KDF1: variants seen among roughly 807,000 people sequenced by gnomAD.
KDF1 encodes RP11-344H11.3.
In KDF1, 11 loss-of-function variants were observed where a neutral mutation model predicts 31.6. That is an observed-to-expected ratio of 0.35 (90% CI 0.22 to 0.58). The LOEUF is 0.58. Among genes scored for constraint, KDF1 ranks in the 20% least tolerant of loss-of-function variants. The probability of loss-of-function intolerance (pLI) is 0.83; values close to 1 mark genes in which losing one functional copy is unlikely to be tolerated. For synonymous variants in KDF1, 205 were observed against 214.4 expected (o/e 0.96, Z 0.38); for missense variants, 476 against 549.1 (o/e 0.87, Z 1.33).
rs1224661330 is a variant in KDF1, at chr1:26,951,970, G to A, written c.411C>T (p.Ser137=). The change falls in exon 2 of 4, where the codon AGC becomes AGT. Residue 137 remains serine, a synonymous_variant. Transcript: ENST00000320567. The surrounding 1 kb of genome is among the most constrained non-coding windows in gnomAD (Gnocchi z 5.4). ...WAKEHNGVPP[S]PDRAPPSRRD... ...GCCGGCTGGGGGGTGCACGATCAGG[G>A]CTGGGGGGCACTCCATTGTGCTCCT... is the stretch of plus-strand genomic sequence containing the variant. The A allele has an allele frequency of 3.1e-6, 5 of 1,609,628 alleles. No homozygotes were observed. The highest frequency in any genetic ancestry group is 2.7e-5 in the African/African-American group (2 of 74,988).
chr1:26,951,332 C>A lies in KDF1; in HGVS notation c.1039+10G>T. ...ACTCTGCCCCTCAGCCCCATGGGGC[C>A]CCCACCTACCATCCTGGCTGAGACC... On this transcript the variant is annotated intron_variant, in intron 2 of 3. Coordinates refer to ENST00000320567, the MANE Select transcript of KDF1 (RefSeq NM_152365.3). The surrounding 1 kb of genome is among the most constrained non-coding windows in gnomAD (Gnocchi z 5.4). 1 of 1,543,330 alleles carries A rather than the reference C, an allele frequency of 6.5e-7. No individual in the cohort carries two copies. The highest frequency in any genetic ancestry group is 2.4e-5 in the East Asian group (1 of 42,316).
intron 1 of KDF1, among the ~76,000 whole-genome samples, chr1:26,953,498 G>A (rs1311497154): frequency 1.3e-5 from 2 of 152,114 alleles, no homozygotes; most frequent in African/African-American, 2.4e-5. Flanking sequence ...CCAAAAGGTG[G>A]AAACAATCCC....
In KDF1 at chr1:26,950,687, G is replaced by A. The variant is rs746135711; in HGVS notation, c.1109C>T (p.Ala370Val). The A allele has an allele frequency of 2.5e-6, 4 of 1,613,684 alleles. No individual in the cohort carries two copies. The highest frequency in any genetic ancestry group is 3.4e-6 in the Non-Finnish European group (4 of 1,179,730). The change falls in exon 3 of 4, where the codon GCT becomes GTT. Residue 370 changes from alanine (A) to valine (V), a missense_variant. By Grantham distance (64) the Ala-to-Val change is moderately conservative (BLOSUM62 0). Coordinates refer to ENST00000320567, the MANE Select transcript of KDF1 (RefSeq NM_152365.3). This position sits in a 1 kb window ranked among gnomAD's most constrained non-coding sequence, Gnocchi z 4.0. Reference sequence around the variant, plus strand: ...TCATTAGGTCAAGACCACACCTGGAGCTCCATAAGGCCTCAGCTTCCGGGC... The same window carrying A: ...TCATTAGGTCAAGACCACACCTGGAACTCCATAAGGCCTCAGCTTCCGGGC... ...AIARKLRPYG[A>V]PGYPASHDSS...
rs767984255 is a variant in KDF1 at position 26,951,746 on chromosome 1, C to T, written c.635G>A (p.Gly212Asp). 6.2e-7 allele frequency: 1 copy of T among 1,614,048 alleles called. No individual in the cohort carries two copies. The highest frequency in any genetic ancestry group is 1.7e-5 in the Admixed American group (1 of 60,028). ...ATGGAAAGAATAGTACTCCTCGGAG[C>T]CACGAGGACTACTGGCAAAGGTGCT... is the stretch of plus-strand genomic sequence containing the variant. Reference protein sequence around the residue: ...LPSTFASSPRGSEEYYSFHES... With the variant: ...LPSTFASSPRDSEEYYSFHES... The change falls in exon 2 of 4, where the codon GGC becomes GAC. Residue 212 changes from glycine (G) to aspartate (D), a missense_variant. Physicochemically the swap from Gly to Asp is moderately conservative, Grantham distance 94. Transcript: ENST00000320567. The surrounding 1 kb of genome is among the most constrained non-coding windows in gnomAD (Gnocchi z 5.4).
intron 1 of KDF1, among the ~76,000 whole-genome samples, chr1:26,953,946 C>A (rs1428906446): frequency 6.7e-6 from 1 of 148,418 alleles, no homozygotes; most frequent in Non-Finnish European, 1.5e-5. Context: ...CAAAGCCAGA[C>A]CCTGTCTCAA....
chr1:26,954,559 G>A (rs559564535), intron 1 of KDF1, among the ~76,000 whole-genome samples: 6 of 151,448 alleles, frequency 4.0e-5, no homozygotes, highest in African/African-American at 9.7e-5. Context: ...TAGGCCAGGC[G>A]CAGTGGCTAA....
chr1:26,958,890 T>C (rs948481754), intron 1 of KDF1, among the ~76,000 whole-genome samples: 2 of 152,188 alleles, frequency 1.3e-5, no homozygotes, highest in African/African-American at 4.8e-5. Flanking sequence ...CTGGCTATTG[T>C]CTTCTCCCCA....
chr1:26,949,945 A>T lies in KDF1; in HGVS notation c.*124T>A. ...GTCCAGGAACCCAGTCAGCCAAGGC[A>T]GGAGGAGCCAGAGTGGGCACTGCTT... On this transcript the variant is annotated 3_prime_UTR_variant, in exon 4 of 4. Coordinates refer to ENST00000320567, the MANE Select transcript of KDF1 (RefSeq NM_152365.3). 2 of 922,138 alleles carry T rather than the reference A, an allele frequency of 2.2e-6. No homozygotes were observed. The highest frequency in any genetic ancestry group is 3.3e-6 in the Non-Finnish European group (2 of 601,036). The allele number at this position is 922,138 out of a possible 1,614,324, so 57.1% of individuals were successfully genotyped here.
rs779213779 is a variant in KDF1, at chr1:26,950,796, G to A, written c.1040-40C>T. On this transcript the variant is annotated intron_variant, in intron 2 of 3. Coordinates refer to ENST00000320567, the MANE Select transcript of KDF1 (RefSeq NM_152365.3). The surrounding 1 kb of genome is among the most constrained non-coding windows in gnomAD (Gnocchi z 4.0). Reference sequence around the variant, plus strand: ...TGAGGCAAGCAGTGGTCATTAGCACGTTCTTTCAACCCTATTTCCTACTTC... The same window carrying A: ...TGAGGCAAGCAGTGGTCATTAGCACATTCTTTCAACCCTATTTCCTACTTC... 3.8e-6 allele frequency: 6 copies of A among 1,570,674 alleles called. No homozygotes were observed. The highest frequency in any genetic ancestry group is 2.7e-5 in the African/African-American group (2 of 74,106).
chr1:26,959,875 A>G (rs1370065706), intron 1 of KDF1, among the ~76,000 whole-genome samples: 1 of 152,122 alleles, frequency 6.6e-6, no homozygotes, highest in Non-Finnish European at 1.5e-5. Context: ...GTGCAGCCCG[A>G]GAGTCCCATA....
Position 26,951,936 on chromosome 1 carries a change from G to C in KDF1, c.445C>G (p.Gln149Glu). 1 of 1,604,958 alleles carries C rather than the reference G, an allele frequency of 6.2e-7. No individual in the cohort carries two copies. The highest frequency in any genetic ancestry group is 8.5e-7 in the Non-Finnish European group (1 of 1,173,872). ...DRAPPSRRDG[Q>E]RLKSTMGSSF... Reference sequence around the variant, plus strand: ...CTGCCCATGGTTGACTTGAGCCGCTGGCCATCCCGCCGGCTGGGGGGTGCA... The same window carrying C: ...CTGCCCATGGTTGACTTGAGCCGCTCGCCATCCCGCCGGCTGGGGGGTGCA... Residue 149 changes from glutamine to glutamate, a missense_variant, in exon 2 of 4, where the codon CAG becomes GAG. Physicochemically the swap from Gln to Glu is conservative, Grantham distance 29. This residue lies in a region of KDF1 where 330 missense variants were observed against 332.3 expected (regional missense o/e 0.99). Transcript: ENST00000320567. This position sits in a 1 kb window ranked among gnomAD's most constrained non-coding sequence, Gnocchi z 5.4.
chr1:26,955,580 G>A (rs571256873), intron 1 of KDF1, among the ~76,000 whole-genome samples: 26 of 152,288 alleles, frequency 1.7e-4, no homozygotes, highest in South Asian at 1.0e-3. Flanking sequence ...GCTGGGTACC[G>A]TAGAACCAAA....
At chr1:26,958,289 C>T (rs1222679099) in intron 1 of KDF1, among the ~76,000 whole-genome samples, 1 of 151,622 alleles carries the variant, frequency 6.6e-6, no homozygotes, top group Non-Finnish European at 1.5e-5. Flanking sequence ...AGGCGCGTGC[C>T]ACGCCTGGCT....
intron 1 of KDF1, among the ~76,000 whole-genome samples, chr1:26,958,958 G>T (rs1028104945): frequency 2.6e-5 from 4 of 152,244 alleles, no homozygotes; most frequent in Non-Finnish European, 5.9e-5. Flanking sequence ...GAGGTGCCCA[G>T]CGTTGTGCTA....
chr1:26,951,462 G>T lies in KDF1; in HGVS notation c.919C>A (p.Arg307=). The T allele has an allele frequency of 1.2e-6, 2 of 1,613,876 alleles. No individual in the cohort carries two copies. Among genetic ancestry groups the T allele is most frequent in the Non-Finnish European group, 1.7e-6 (2 of 1,179,904 alleles). Reference sequence around the variant, plus strand: ...GTCTGTGGGCGAGCACGGCTCTTTCGGGTACTAATGCGAATGATGCCGCGT... The same window carrying T: ...GTCTGTGGGCGAGCACGGCTCTTTCTGGTACTAATGCGAATGATGCCGCGT... ...LVRGIIRIST[R]KSRARPQTSE... is the part of the protein sequence containing the mutation. The change falls in exon 2 of 4, where the codon CGA becomes AGA. Residue 307 remains arginine (R), a synonymous_variant. Transcript: ENST00000320567. This position sits in a 1 kb window ranked among gnomAD's most constrained non-coding sequence, Gnocchi z 5.4.
chr1:26,952,408 G>A lies in KDF1; in HGVS notation c.-28C>T, dbSNP rs766711238. ...CTCATTGCATGGTTTGTAGCAGCCA[G>A]GCACCTGCGTGGGGAGAGGCCAGGA... On this transcript the variant is annotated 5_prime_UTR_variant, in exon 2 of 4. Coordinates refer to ENST00000320567, the MANE Select transcript of KDF1 (RefSeq NM_152365.3). This position sits in a 1 kb window ranked among gnomAD's most constrained non-coding sequence, Gnocchi z 4.1. 6.7e-7 allele frequency: 1 copy of A among 1,491,936 alleles called. No individual in the cohort carries two copies. Among genetic ancestry groups the A allele is most frequent in the South Asian group, 1.3e-5 (1 of 74,200 alleles). The allele number at this position is 1,491,936 out of a possible 1,614,324, so 92.4% of individuals were successfully genotyped here.
chr1:26,950,709 G>A lies in KDF1; in HGVS notation c.1087C>T (p.Arg363Trp). The change falls in exon 3 of 4, where the codon CGG becomes TGG. Residue 363 changes from arginine to tryptophan, a missense_variant. Arg to Trp is a moderately radical substitution (Grantham distance 101). Coordinates refer to ENST00000320567, the MANE Select transcript of KDF1 (RefSeq NM_152365.3). The surrounding 1 kb of genome is among the most constrained non-coding windows in gnomAD (Gnocchi z 4.0). ...SQETTADAIA[R>W]KLRPYGAPGY... is the part of the protein sequence containing the mutation. ...GGAGCTCCATAAGGCCTCAGCTTCCGGGCGATGGCATCTGCAGTCGTCTCC... is the reference window on the plus strand; with the variant it reads ...GGAGCTCCATAAGGCCTCAGCTTCCAGGCGATGGCATCTGCAGTCGTCTCC... The A allele has an allele frequency of 6.2e-7, 1 of 1,613,464 alleles. No individual in the cohort carries two copies. Among genetic ancestry groups the A allele is most frequent in the Non-Finnish European group, 8.5e-7 (1 of 1,179,568 alleles).
chr1:26,959,987 T>C (rs2082393920), intron 1 of KDF1, among the ~76,000 whole-genome samples: 1 of 152,092 alleles, frequency 6.6e-6, no homozygotes, highest in South Asian at 2.1e-4. Context: ...GGGCGAGCAC[T>C]ACCCTCTCCA....
intron 1 of KDF1, among the ~76,000 whole-genome samples, chr1:26,954,350 A>C (rs976483125): frequency 2.6e-5 from 4 of 151,610 alleles, no homozygotes; most frequent in Non-Finnish European, 2.9e-5. Context: ...CAGCCTCCCA[A>C]GTAGCTGGGA....
Sources: allele counts gnomAD v4.1 joint callset (sites outside exome capture counted in the v4.1 genomes callset), GRCh38; gene constraint gnomAD v4.1.1; regional missense constraint gnomAD v4.1.1; non-coding constraint Gnocchi (gnomAD v3.1); transcripts MANE v1.5; gene names NCBI Gene and HGNC (gene_info 2026-07-23, HGNC 2026-07-21).